Variants in SAMD5 observed in about 807,000 individuals in gnomAD.
The protein encoded by SAMD5 is sterile alpha motif domain containing 5, also known as sterile alpha motif domain-containing protein 5.
In SAMD5, 13 loss-of-function variants were observed where a neutral mutation model predicts 11.3. The observed-to-expected ratio is 1.15, with a 90% CI of 0.75 to 1.83. SAMD5 has a LOEUF of 1.83. SAMD5 is among the 40% of genes most tolerant of loss of function. The pLI is 0.00. For missense variants in SAMD5, 255 were observed against 239.1 expected (o/e 1.07, Z -0.44); for synonymous variants, 129 against 111.3 (o/e 1.16, Z -1.00).
intron 1 of SAMD5, among the ~76,000 whole-genome samples, chr6:147,550,530 A>T (rs1301916338): frequency 1.3e-5 from 2 of 152,186 alleles, no homozygotes; most frequent in East Asian, 1.9e-4. Flanking sequence ...TGACTAGATT[A>T]AAAAAATGTG....
At chr6:147,835,608 C>T in the SAMD5 span, among the ~76,000 whole-genome samples, 16 of 152,150 alleles carry the variant, frequency 1.1e-4, no homozygotes, top group Non-Finnish European at 2.9e-5. Flanking sequence ...TTTCTGTTTA[C>T]CCCGAGGACC....
chr6:147,540,548 C>A (rs1371263875), intron 1 of SAMD5, among the ~76,000 whole-genome samples: 2 of 152,130 alleles, frequency 1.3e-5, no homozygotes, highest in Non-Finnish European at 2.9e-5. Context: ...AGACCTGTAG[C>A]AAAGTTTGTA....
chr6:147,779,349 T>C, the SAMD5 span, among the ~76,000 whole-genome samples: 3 of 152,166 alleles, frequency 2.0e-5, no homozygotes, highest in African/African-American at 7.2e-5. Flanking sequence ...GAGTTAAAAA[T>C]TGATCACATA....
chr6:147,901,750 G>A, the SAMD5 span, among the ~76,000 whole-genome samples: 28 of 152,302 alleles, frequency 1.8e-4, no homozygotes, highest in African/African-American at 5.8e-4. Flanking sequence ...GCAGCACTAG[G>A]AGGCAGTGCT....
intron 1 of SAMD5, among the ~76,000 whole-genome samples, chr6:147,669,581 C>A (rs1338427656): frequency 6.6e-6 from 1 of 151,904 alleles, no homozygotes; most frequent in East Asian, 1.9e-4. Context: ...GTGTGCACCA[C>A]CACACCCAGC....
At chr6:147,819,131 G>A in the SAMD5 span, among the ~76,000 whole-genome samples, 1 of 152,170 alleles carries the variant, frequency 6.6e-6, no homozygotes, top group East Asian at 1.9e-4. Flanking sequence ...TATACACCAT[G>A]GGATACTATG....
chr6:147,557,626 C>T (rs1222565827), intron 1 of SAMD5, among the ~76,000 whole-genome samples: 1 of 152,152 alleles, frequency 6.6e-6, no homozygotes, highest in Non-Finnish European at 1.5e-5. Flanking sequence ...GATTCAGGGC[C>T]CACCCTAAAT....
the SAMD5 span, among the ~76,000 whole-genome samples, chr6:147,798,635 G>T: frequency 6.6e-6 from 1 of 152,060 alleles, no homozygotes; most frequent in Non-Finnish European, 1.5e-5. Context: ...TTGACTTTTT[G>T]TCTCGTTGAT....
At chr6:147,878,336 G>A in the SAMD5 span, among the ~76,000 whole-genome samples, 38 of 151,700 alleles carry the variant, frequency 2.5e-4, no homozygotes, top group East Asian at 6.6e-3. Flanking sequence ...TAAGGACTGC[G>A]TTTCTGCTCT....
At chr6:147,718,094 A>C (rs1433629231) in intron 1 of SAMD5, among the ~76,000 whole-genome samples, 1 of 152,202 alleles carries the variant, frequency 6.6e-6, no homozygotes, top group East Asian at 1.9e-4. Flanking sequence ...ATCCTATAAC[A>C]AAATTACTTT....
At chr6:147,537,681 G>A (rs1282874997) in intron 1 of SAMD5, among the ~76,000 whole-genome samples, 2 of 150,928 alleles carry the variant, frequency 1.3e-5, no homozygotes, top group South Asian at 2.1e-4. Context: ...GGGTGAACCC[G>A]GGAGGCGGAG....
chr6:147,845,784 G>T, the SAMD5 span, among the ~76,000 whole-genome samples: 1 of 152,184 alleles, frequency 6.6e-6, no homozygotes, highest in South Asian at 2.1e-4. Flanking sequence ...TTGATAGGAA[G>T]AAAATGTTTC....
chr6:147,540,402 T>C (rs1788581388), intron 1 of SAMD5, among the ~76,000 whole-genome samples: 1 of 152,190 alleles, frequency 6.6e-6, no homozygotes. Context: ...TTTTTAGGGC[T>C]ATGACATGGA....
intron 1 of SAMD5, among the ~76,000 whole-genome samples, chr6:147,529,371 C>T (rs565281271): frequency 1.3e-5 from 2 of 152,140 alleles, no homozygotes; most frequent in Non-Finnish European, 2.9e-5. Context: ...TCAAGAATAA[C>T]TTTAATTGGT....
At chr6:147,532,499 T>C (rs532077998) in intron 1 of SAMD5, among the ~76,000 whole-genome samples, 24 of 152,374 alleles carry the variant, frequency 1.6e-4, no homozygotes, top group African/African-American at 5.8e-4. Flanking sequence ...TGAGTAGTAT[T>C]CCACATCCCA....
At chr6:147,585,297 A>T (rs552997222) in intron 1 of SAMD5, among the ~76,000 whole-genome samples, 2 of 152,268 alleles carry the variant, frequency 1.3e-5, no homozygotes, top group South Asian at 4.1e-4. Context: ...ATGCCACTGT[A>T]ACTATTATCA....
chr6:147,723,914 A>G (rs1791589702), intron 1 of SAMD5, among the ~76,000 whole-genome samples: 1 of 152,122 alleles, frequency 6.6e-6, no homozygotes, highest in Non-Finnish European at 1.5e-5. Context: ...GTGGCTTTCT[A>G]CATATCAAGT....
At chr6:147,902,151 A>C in the SAMD5 span, among the ~76,000 whole-genome samples, 1 of 152,096 alleles carries the variant, frequency 6.6e-6, no homozygotes, top group African/African-American at 2.4e-5. Context: ...AAAAAAAAGC[A>C]ATCATTCCTG....
At chr6:147,571,496 C>T (rs1349911039), downstream of SAMD5, among the ~76,000 whole-genome samples, 2 of 151,874 alleles carry the variant, frequency 1.3e-5, no homozygotes, top group Non-Finnish European at 2.9e-5. Flanking sequence ...CCCCCCTGCC[C>T]ACCTCCTAGA....
Sources: allele counts gnomAD v4.1 joint callset (sites outside exome capture counted in the v4.1 genomes callset), GRCh38; gene constraint gnomAD v4.1.1; transcripts MANE v1.5; gene names NCBI Gene and HGNC (gene_info 2026-07-23, HGNC 2026-07-21).